The following SPATS2 variants were observed in gnomAD, a reference collection of about 807,000 sequenced individuals.
SPATS2 encodes the protein spermatogenesis associated serine rich 2.
In SPATS2, 38 loss-of-function variants were observed where a neutral mutation model predicts 63.7. The ratio of observed to expected loss-of-function variants is 0.60; its 90% CI spans 0.46 to 0.78. The LOEUF (loss-of-function observed/expected upper bound fraction) is 0.78. Among genes scored for constraint, SPATS2 ranks in the 30% least tolerant of loss-of-function variants. SPATS2 has a pLI of 0.00. For synonymous variants in SPATS2, 207 were observed against 232.9 expected, an observed-to-expected ratio of 0.89 and a Z score of 1.01; for missense variants, 588 against 666.2, an observed-to-expected ratio of 0.88 and a Z score of 1.29.
chr12:49,401,605 T>C (rs531553769), intron 2 of SPATS2, among the ~76,000 whole-genome samples: 1 of 152,360 alleles, frequency 6.6e-6, no homozygotes, highest in Non-Finnish European at 1.5e-5. Flanking sequence ...TACCAAAAAG[T>C]ACCATTACCA....
chr12:49,461,679 T>G (rs1945824837), intron 3 of SPATS2, among the ~76,000 whole-genome samples: 2 of 152,224 alleles, frequency 1.3e-5, no homozygotes. Context: ...CAATTTAATT[T>G]CCAGTTCAAA....
rs184703564 is a variant in SPATS2 at position 49,408,631 on chromosome 12, C to T, written c.-244+37341C>T. ...AGTGCAGTGGTGCAATCTTGGCTCA[C>T]TGCAGTCTCCGCCTCCTGGCTTCAA... is the stretch of plus-strand genomic sequence containing the variant. On this transcript the variant is annotated intron_variant, in intron 2 of 13. Transcript: ENST00000552918. Among the ~76,000 whole-genome samples, 204 of 124,074 alleles carry T rather than the reference C, an allele frequency of 1.6e-3. 2 individuals are homozygous for T. The highest frequency in any genetic ancestry group is 6.0e-3 in the African/African-American group (187 of 31,308). The allele number at this position is 124,074 out of a possible 152,430, so 81.4% of individuals were successfully genotyped here. A position where few individuals can be genotyped will look rare whatever the true frequency, so the allele number is the denominator to read the frequency against.
chr12:49,510,170 G>A (rs1946726808), intron 9 of SPATS2, among the ~76,000 whole-genome samples: 1 of 151,454 alleles, frequency 6.6e-6, no homozygotes, highest in African/African-American at 2.4e-5. Context: ...AAGCTGAGCA[G>A]GAGGATTGCT....
At chr12:49,506,450 A>G (rs1400126108) in intron 9 of SPATS2, among the ~76,000 whole-genome samples, 1 of 152,224 alleles carries the variant, frequency 6.6e-6, no homozygotes, top group Non-Finnish European at 1.5e-5. Flanking sequence ...ACTCTCATTT[A>G]TAAAACCATC....
intron 10 of SPATS2, among the ~76,000 whole-genome samples, 169 bp from the exon 11 acceptor site, chr12:49,518,903 TC>T (rs1565762204): frequency 6.6e-6 from 1 of 152,234 alleles, no homozygotes; most frequent in Non-Finnish European, 1.5e-5. Context: ...TTAACTGCCT[TC>T]AGAGACCCAA....
intron 9 of SPATS2, among the ~76,000 whole-genome samples, chr12:49,513,210 A>T (rs899727358): frequency 3.0e-4 from 44 of 148,124 alleles, no homozygotes; most frequent in African/African-American, 8.9e-4. Context: ...AGAGAGAAAG[A>T]GTGTGTGTGT....
At chr12:49,504,757 T>G in intron 9 of SPATS2, among the ~76,000 whole-genome samples, 1 of 134,910 alleles carries the variant, frequency 7.4e-6, no homozygotes, top group Non-Finnish European at 1.5e-5. Flanking sequence ...CTGTTTCTTT[T>G]CTTTCTTTCT....
intron 8 of SPATS2, among the ~76,000 whole-genome samples, chr12:49,499,432 TTGTTTTG>T (rs1325359892): frequency 1.1e-4 from 16 of 148,602 alleles, no homozygotes; most frequent in African/African-American, 3.9e-4. Context: ...TTGTTTTGTT[TTGTTTTG>T]TTTTTTGGTG....
intron 2 of SPATS2, chr12:49,390,201 C>T: frequency 8.1e-7 from 1 of 1,233,694 alleles, no homozygotes. Flanking sequence ...TACATGGCTC[C>T]CAGTGGTCAA....
At chr12:49,394,770 A>G (rs1284985059) in intron 2 of SPATS2, among the ~76,000 whole-genome samples, 1 of 152,162 alleles carries the variant, frequency 6.6e-6, no homozygotes, top group African/African-American at 2.4e-5. Flanking sequence ...CATGTCATCT[A>G]TGAATAAAGA....
chr12:49,462,481 C>G (rs544942412), intron 3 of SPATS2: 1 of 700,418 alleles, frequency 1.4e-6, no homozygotes, highest in East Asian at 2.7e-5. Context: ...GTGTTAACAG[C>G]TCAGTGGGCC....
intron 2 of SPATS2, among the ~76,000 whole-genome samples, chr12:49,430,083 C>G (rs1233795935): frequency 7.6e-6 from 1 of 131,322 alleles, no homozygotes; most frequent in East Asian, 2.2e-4. Flanking sequence ...GCCCGGCCAT[C>G]TTTTTCATAT....
At chr12:49,406,060 TC>T (rs1256744651) in intron 2 of SPATS2, among the ~76,000 whole-genome samples, 1 of 151,954 alleles carries the variant, frequency 6.6e-6, no homozygotes, top group African/African-American at 2.4e-5. Flanking sequence ...GGTCAGGAGT[TC>T]AAGACCAGCC....
intron 2 of SPATS2, among the ~76,000 whole-genome samples, chr12:49,391,103 A>G (rs1311587424): frequency 6.6e-6 from 1 of 152,214 alleles, no homozygotes; most frequent in Non-Finnish European, 1.5e-5. Context: ...ATCTGTTTTT[A>G]AACTCCATCT....
intron 2 of SPATS2, among the ~76,000 whole-genome samples, chr12:49,410,664 CCATCTATT>C (rs762719214): frequency 1.2e-3 from 178 of 152,234 alleles, no homozygotes; most frequent in Non-Finnish European, 1.8e-3. Context: ...TAAAAGCAGA[CCATCTATT>C]CATTTATGCA....
chr12:49,504,770 C>CTT (rs745453843), intron 9 of SPATS2, among the ~76,000 whole-genome samples: 39 of 98,834 alleles, frequency 3.9e-4, no homozygotes, highest in African/African-American at 5.4e-4. Context: ...TTCTTTCTTT[C>CTT]TTTTTTTTTT....
At chr12:49,383,261 C>T (rs1417215357) in intron 2 of SPATS2, among the ~76,000 whole-genome samples, 64 of 152,114 alleles carry the variant, frequency 4.2e-4, no homozygotes, top group Admixed American at 3.8e-3. Flanking sequence ...TCAGGTGATC[C>T]GCCTGCCTCG....
chr12:49,509,271 TTC>T (rs1946705162), intron 9 of SPATS2, among the ~76,000 whole-genome samples: 1 of 139,790 alleles, frequency 7.2e-6, no homozygotes, highest in African/African-American at 2.9e-5. Flanking sequence ...ACGTTCTAAC[TTC>T]TTTTTTTTTT....
At chr12:49,504,700 T>G (rs1234621523) in intron 9 of SPATS2, among the ~76,000 whole-genome samples, 1 of 151,796 alleles carries the variant, frequency 6.6e-6, no homozygotes, top group Non-Finnish European at 1.5e-5. Context: ...GTTTTGAAAT[T>G]TTTCCTGATT....
Sources: gnomAD v4.1 joint callset for allele counts (sites outside exome capture counted in the v4.1 genomes callset) on GRCh38, gnomAD v4.1.1 for gene constraint, MANE v1.5 for transcripts, NCBI Gene and HGNC (gene_info 2026-07-23, HGNC 2026-07-21) for gene names.